CLVS1: variants seen among roughly 807,000 people sequenced by gnomAD.
CLVS1 encodes the protein clavesin-1.
CLVS1 carries 10 observed loss-of-function variants against 33.1 expected under a neutral mutation model. The observed-to-expected ratio is 0.30, with a 90% CI of 0.19 to 0.51. CLVS1 has a LOEUF of 0.51. Among genes scored for constraint, CLVS1 ranks in the 20% least tolerant of loss-of-function variants. CLVS1 has a pLI of 0.97. For synonymous variants in CLVS1, 163 were observed against 166.1 expected (o/e 0.98, Z 0.14); for missense variants, 343 against 433.4 (o/e 0.79, Z 1.85).
the CLVS1 span, among the ~76,000 whole-genome samples, chr8:61,039,758 T>G: frequency 6.6e-6 from 1 of 152,294 alleles, no homozygotes; most frequent in African/African-American, 2.4e-5. Flanking sequence ...CAGGCTGATT[T>G]TGAATTCCTG....
At chr8:61,452,400 T>C (rs1440446676) in intron 3 of CLVS1, among the ~76,000 whole-genome samples, 3 of 152,220 alleles carry the variant, frequency 2.0e-5, no homozygotes, top group African/African-American at 7.2e-5. Flanking sequence ...GCTTGTTTCT[T>C]ATTCTTCTTC....
At chr8:61,332,136 T>C (rs1811624712) in intron 2 of CLVS1, among the ~76,000 whole-genome samples, 1 of 152,160 alleles carries the variant, frequency 6.6e-6, no homozygotes, top group African/African-American at 2.4e-5. Context: ...AGGGAAAAGG[T>C]GGCTGCCAGC....
chr8:61,015,748 G>A, the CLVS1 span, among the ~76,000 whole-genome samples: 2 of 152,232 alleles, frequency 1.3e-5, no homozygotes, highest in East Asian at 1.9e-4. Context: ...TCATAGCTTC[G>A]GGAGGGAATT....
intron 2 of CLVS1, among the ~76,000 whole-genome samples, chr8:61,335,494 C>A (rs1348034944): frequency 6.6e-6 from 1 of 152,140 alleles, no homozygotes; most frequent in Non-Finnish European, 1.5e-5. Flanking sequence ...CACCGAAGAT[C>A]ATCAAAACCA....
At chr8:61,019,252 G>T in the CLVS1 span, among the ~76,000 whole-genome samples, 2 of 152,194 alleles carry the variant, frequency 1.3e-5, no homozygotes, top group African/African-American at 4.8e-5. Context: ...TCAACTCCTG[G>T]CAAGGAGTAT....
At chr8:61,256,628 AC>A (rs1384433107) in intron 2 of CLVS1, among the ~76,000 whole-genome samples, 7 of 146,470 alleles carry the variant, frequency 4.8e-5, no homozygotes, top group African/African-American at 1.6e-4. Context: ...AAACTAACCT[AC>A]TCTTTATCTC....
At chr8:61,262,434 G>T (rs1163085717) in intron 2 of CLVS1, among the ~76,000 whole-genome samples, 1 of 152,058 alleles carries the variant, frequency 6.6e-6, no homozygotes, top group East Asian at 1.9e-4. Flanking sequence ...TACTCAGCAG[G>T]CAGAAGTAGG....
At chr8:61,497,269 G>A (rs1206233886) in intron 5 of CLVS1, among the ~76,000 whole-genome samples, 1 of 152,186 alleles carries the variant, frequency 6.6e-6, no homozygotes, top group African/African-American at 2.4e-5. Context: ...AATCAGGAAT[G>A]GAAAGCCATG....
intron 5 of CLVS1, among the ~76,000 whole-genome samples, chr8:61,479,949 G>T (rs1818120477): frequency 6.6e-6 from 1 of 152,190 alleles, no homozygotes; most frequent in South Asian, 2.1e-4. Context: ...TGGAAGTTTT[G>T]TCTCAGAGGA....
intron 5 of CLVS1, among the ~76,000 whole-genome samples, chr8:61,478,891 G>T (rs1187180295): frequency 6.6e-6 from 1 of 152,212 alleles, no homozygotes; most frequent in Admixed American, 6.5e-5. Flanking sequence ...TTTCCTTTAA[G>T]AATGTTGAAT....
chr8:61,306,194 T>G (rs1341089967), intron 2 of CLVS1, among the ~76,000 whole-genome samples: 2 of 152,152 alleles, frequency 1.3e-5, no homozygotes, highest in Non-Finnish European at 2.9e-5. Context: ...AACTTCACCA[T>G]CATCTGTTAT....
the CLVS1 span, among the ~76,000 whole-genome samples, chr8:61,006,299 G>C: frequency 6.6e-6 from 1 of 152,182 alleles, no homozygotes; most frequent in Admixed American, 6.5e-5. Flanking sequence ...TGGTGTGGGA[G>C]GGAGGGAGCC....
chr8:61,362,830 G>A (rs941832420), intron 2 of CLVS1, among the ~76,000 whole-genome samples: 1 of 152,256 alleles, frequency 6.6e-6, no homozygotes, highest in East Asian at 1.9e-4. Context: ...TCAGCTTGCT[G>A]CAGTCAGCAA....
chr8:61,082,327 A>G (rs1278007212), intron 1 of CLVS1, among the ~76,000 whole-genome samples: 3 of 152,204 alleles, frequency 2.0e-5, no homozygotes, highest in African/African-American at 7.2e-5. Flanking sequence ...TGTAATACGT[A>G]ATGGAAATAC....
At chr8:61,160,179 T>C (rs550423205) in intron 2 of CLVS1, among the ~76,000 whole-genome samples, 2 of 152,330 alleles carry the variant, frequency 1.3e-5, no homozygotes, top group East Asian at 1.9e-4. Context: ...TTATAAGATT[T>C]AGCTGAATTC....
At chr8:61,238,730 T>A (rs1317810376) in intron 2 of CLVS1, among the ~76,000 whole-genome samples, 3 of 152,252 alleles carry the variant, frequency 2.0e-5, no homozygotes, top group Non-Finnish European at 4.4e-5. Context: ...TGTGCAATTT[T>A]TCGTGCTATT....
chr8:61,260,665 A>G (rs1350818872), intron 2 of CLVS1, among the ~76,000 whole-genome samples: 1 of 152,186 alleles, frequency 6.6e-6, no homozygotes, highest in Non-Finnish European at 1.5e-5. Flanking sequence ...AGGAGGAGAT[A>G]AAGAAAAGTG....
At chr8:61,392,137 T>C (rs1350702026) in intron 3 of CLVS1, among the ~76,000 whole-genome samples, 1 of 152,156 alleles carries the variant, frequency 6.6e-6, no homozygotes, top group East Asian at 1.9e-4. Context: ...TGTCCTAGCC[T>C]GGGCAAGATG....
upstream of CLVS1, among the ~76,000 whole-genome samples, chr8:61,285,247 T>G (rs1464236293): frequency 6.6e-6 from 1 of 152,250 alleles, no homozygotes; most frequent in Non-Finnish European, 1.5e-5. Context: ...TATTTGCAAC[T>G]GCCTTACTTG....
Sources: gnomAD v4.1 joint callset for allele counts (sites outside exome capture counted in the v4.1 genomes callset) on GRCh38, gnomAD v4.1.1 for gene constraint, MANE v1.5 for transcripts, NCBI Gene and HGNC (gene_info 2026-07-23, HGNC 2026-07-21) for gene names.